ACTR8: variants seen among roughly 807,000 people sequenced by gnomAD.
The protein encoded by ACTR8 is actin related protein 8, also known as actin-related protein 8.
A neutral mutation model predicts 84.3 loss-of-function variants in ACTR8; 70 were observed. The ratio of observed to expected loss-of-function variants is 0.83; its 90% CI spans 0.68 to 1.01. ACTR8 has a LOEUF of 1.01. Among genes scored for constraint, ACTR8 ranks in the 50% least tolerant of loss-of-function variants. The probability of loss-of-function intolerance (pLI) is 0.00; values close to 1 mark genes in which losing one functional copy is unlikely to be tolerated. For synonymous variants in ACTR8, 268 were observed against 275.2 expected (o/e 0.97, Z 0.26); for missense variants, 672 against 775.4 (o/e 0.87, Z 1.58).
chr3:53,878,037 G>A (rs1398068130), intron 3 of ACTR8, among the ~76,000 whole-genome samples: 1 of 152,086 alleles, frequency 6.6e-6, no homozygotes, highest in Non-Finnish European at 1.5e-5. Flanking sequence ...ACAGACTCCT[G>A]TCCATTCCTA....
At chr3:53,876,893 T>TC (rs1699982519) in intron 5 of ACTR8, among the ~76,000 whole-genome samples, 180 bp from the exon 6 acceptor site, 2 of 200 alleles carry the variant, frequency 0.01, no homozygotes, top group Non-Finnish European at 0.022. Flanking sequence ...TGCTCAAGTG[T>TC]TTTTTTTTCC....
chr3:53,880,650 C>G (rs994613308), intron 1 of ACTR8, among the ~76,000 whole-genome samples: 3 of 152,192 alleles, frequency 2.0e-5, no homozygotes, highest in African/African-American at 7.2e-5. Flanking sequence ...GTGGCTTACA[C>G]GACCCTCATG....
chr3:53,881,979 C>G lies in ACTR8; in HGVS notation c.123G>C (p.Glu41Asp). The G allele has an allele frequency of 6.4e-7, 1 of 1,554,940 alleles. No individual in the cohort carries two copies. Among genetic ancestry groups the G allele is most frequent in the Non-Finnish European group, 8.7e-7 (1 of 1,148,434 alleles). ...VPALVPESLQEQIQSNFIIVI... is the reference protein window; with the variant it reads ...VPALVPESLQDQIQSNFIIVI... ...AGTTCCAACCCAGCCAGAGCCGCAC[C>G]TCTTGCAGCGACTCCGGCACCAGCG... Residue 41 changes from glutamate (E) to aspartate (D), a missense_variant and splice_region_variant, in exon 1 of 13, where the codon GAG becomes GAC. By Grantham distance (45) the Glu-to-Asp change is conservative. Coordinates refer to ENST00000335754, the MANE Select transcript of ACTR8 (RefSeq NM_022899.5).
Position 53,876,081 on chromosome 3 carries a change from C to T in ACTR8, c.779-1G>A. ...ACAGACTCCTGATGGACCACAATCC[C>T]TGGGGGGGGAAAAGAAAAGGCAGAG... On this transcript the variant is annotated splice_acceptor_variant, in intron 6 of 12. Coordinates refer to ENST00000335754, the MANE Select transcript of ACTR8 (RefSeq NM_022899.5). LOFTEE classifies it high-confidence loss of function. The T allele has an allele frequency of 4.5e-6, 7 of 1,567,034 alleles. No individual in the cohort carries two copies. The highest frequency in any genetic ancestry group is 6.0e-6 in the Non-Finnish European group (7 of 1,167,006).
downstream of ACTR8, chr3:53,864,789 C>A (rs1477435455): frequency 1.2e-6 from 2 of 1,613,638 alleles, no homozygotes; most frequent in Non-Finnish European, 1.7e-6. Context: ...CACTACTGCC[C>A]CCCATTAAGG....
downstream of ACTR8, among the ~76,000 whole-genome samples, chr3:53,863,902 A>C (rs9860367): frequency 0.35 from 52,090 of 150,374 alleles, 9,198 homozygotes; most frequent in East Asian, 0.48. Flanking sequence ...GGCTCACTGC[A>C]ACCTCTGCCT....
At position 53,878,343 on chromosome 3, in the gene ACTR8, A is replaced by G. The variant is rs747294337; in HGVS notation, c.405+14T>C. On this transcript the variant is annotated intron_variant, in intron 3 of 12. Coordinates refer to ENST00000335754, the MANE Select transcript of ACTR8 (RefSeq NM_022899.5). ...AGTGGTGATAAAAGAATAAATCTGA[A>G]GAGTTAATCGAACCTGTTCAGGGGA... is the stretch of plus-strand genomic sequence containing the variant. The G allele has an allele frequency of 9.8e-6, 15 of 1,534,874 alleles. No individual in the cohort carries two copies. The highest frequency in any genetic ancestry group is 1.4e-5 in the Non-Finnish European group (15 of 1,108,594).
Position 53,880,013 on chromosome 3 carries a change from C to A in ACTR8, c.220G>T (p.Val74Phe), listed in dbSNP as rs149728050. ...TDTLPASIPH[V>F]IARRHKQQGQ... ...TGTTGTTTGTGTCTTCGGGCAATGA[C>A]GTGAGGAATGCTGGCAGGAAGAGTG... is the stretch of plus-strand genomic sequence containing the variant. Residue 74 changes from valine to phenylalanine, a missense_variant, in exon 2 of 13, where the codon GTC becomes TTC. Transcript: ENST00000335754. 6.2e-7 allele frequency: 1 copy of A among 1,614,024 alleles called. No homozygotes were observed. The highest frequency in any genetic ancestry group is 1.7e-5 in the Admixed American group (1 of 59,998).
Position 53,868,801 on chromosome 3 carries a change from G to A in ACTR8, c.1793C>T (p.Thr598Ile), listed in dbSNP as rs1450154152. ...TCGCTGATAAATCCACAGTTCCTGT[G>A]TTGTATCCAAACAAGCCAACACTGC... ...GGAVLACLDT[T>I]QELWIYQREW... Residue 598 changes from threonine to isoleucine, a missense_variant, in exon 13 of 13, where the codon ACA becomes ATA. Coordinates refer to ENST00000335754, the MANE Select transcript of ACTR8 (RefSeq NM_022899.5). 6 of 1,614,076 alleles carry A rather than the reference G, an allele frequency of 3.7e-6. No individual in the cohort carries two copies. In the South Asian group the frequency reaches 5.5e-5, roughly 15 times the overall value.
At chr3:53,879,541 G>T (rs531197290) in intron 2 of ACTR8, among the ~76,000 whole-genome samples, 4 of 152,072 alleles carry the variant, frequency 2.6e-5, no homozygotes, top group African/African-American at 4.8e-5. Context: ...AGTGCTTATT[G>T]TAACAATCTA....
At chr3:53,860,174 C>CTGCTGGTGGCCACATGGG in the ACTR8 span, 1 of 1,614,136 alleles carries the variant, frequency 6.2e-7, no homozygotes, top group South Asian at 1.1e-5. Context: ...CCTGCTGTCT[C>CTGCTGGTGGCCACATGGG]TGCTGGTGGC....
chr3:53,880,138 T>C (rs1372101948), intron 1 of ACTR8, 29 bp from the exon 2 acceptor site: 1 of 1,596,380 alleles, frequency 6.3e-7, no homozygotes, highest in Non-Finnish European at 8.6e-7. Context: ...GATGTGTGAC[T>C]TTGTAAATAA....
rs1699859928 is a variant in ACTR8, at chr3:53,870,019, C to T, written c.1694G>A (p.Arg565Gln). ...GATCACATCCACATTTTCAATAATT[C>T]GCCTGAAGGATGGTGGCATTTTGTT... ...ILNKMPPSFR[R>Q]IIENVDVITR... Residue 565 changes from arginine (R) to glutamine (Q), a missense_variant, in exon 12 of 13, where the codon CGA becomes CAA. Coordinates refer to ENST00000335754, the MANE Select transcript of ACTR8 (RefSeq NM_022899.5). This position sits in a 1 kb window ranked among gnomAD's most constrained non-coding sequence, Gnocchi z 4.1. 5 of 1,614,160 alleles carry T rather than the reference C, an allele frequency of 3.1e-6. No individual in the cohort carries two copies. The highest frequency in any genetic ancestry group is 3.4e-6 in the Non-Finnish European group (4 of 1,180,022).
chr3:53,873,745 T>C (rs969757770), intron 8 of ACTR8, among the ~76,000 whole-genome samples: 1 of 152,180 alleles, frequency 6.6e-6, no homozygotes, highest in African/African-American at 2.4e-5. Flanking sequence ...AGCAAAAAAC[T>C]CTCACTCCTT....
chr3:53,872,578 C>G lies in ACTR8; in HGVS notation c.1162-54G>C. The G allele has an allele frequency of 2.0e-6, 3 of 1,502,078 alleles. No individual in the cohort carries two copies. In the South Asian group the frequency reaches 4.1e-5, roughly 21 times the overall value. 93.0% of individuals were successfully genotyped at this position (1,502,078 alleles called of 1,614,324 possible). ...AAAAGATACTGCATCCTGAAAAAAA[C>G]TGATCCACTAAATTCTGTTCTTCTA... is the stretch of plus-strand genomic sequence containing the variant. On this transcript the variant is annotated intron_variant, in intron 9 of 12. Coordinates refer to ENST00000335754, the MANE Select transcript of ACTR8 (RefSeq NM_022899.5).
At chr3:53,881,586 C>T (rs927523554) in intron 1 of ACTR8, 1 of 301,536 alleles carries the variant, frequency 3.3e-6, no homozygotes, top group African/African-American at 2.3e-5. Flanking sequence ...GGCTGACGCT[C>T]CCAGTGAGCC....
intron 7 of ACTR8, 94 bp downstream of exon 7, chr3:53,875,849 GTTATC>G (rs1402256116): frequency 1.3e-4 from 195 of 1,517,662 alleles, no homozygotes; most frequent in Non-Finnish European, 1.6e-4. Context: ...TGAATTTATG[GTTATC>G]TTATAATTTT....
chr3:53,872,429 A>G lies in ACTR8; in HGVS notation c.1257T>C (p.Pro419=), dbSNP rs778534930. 4 of 1,611,368 alleles carry G rather than the reference A, an allele frequency of 2.5e-6. No homozygotes were observed. The highest frequency in any genetic ancestry group is 3.4e-6 in the Non-Finnish European group (4 of 1,179,122). The change falls in exon 10 of 13, where the codon CCT becomes CCC. Residue 419 remains proline, a synonymous_variant. Transcript: ENST00000335754. ...QHRSQGDPED[P]HDEHYLLATQ... ...TGGCCAGCAGGTAATGTTCATCGTG[A>G]GGATCCTCAGGATCGCCCTGAGATC...
intron 5 of ACTR8, 34 bp downstream of exon 5, chr3:53,877,180 A>G: frequency 1.3e-6 from 2 of 1,553,616 alleles, no homozygotes; most frequent in Non-Finnish European, 8.7e-7. Context: ...AAGAATCTTA[A>G]AAACAATCCA....
Sources: allele counts gnomAD v4.1 joint callset (sites outside exome capture counted in the v4.1 genomes callset), GRCh38; gene constraint gnomAD v4.1.1; non-coding constraint Gnocchi (gnomAD v3.1); transcripts MANE v1.5; gene names NCBI Gene and HGNC (gene_info 2026-07-23, HGNC 2026-07-21).